EML5: variants seen among roughly 807,000 people sequenced by gnomAD.
EML5 encodes the protein EMAP like 5.
EML5 carries 120 observed loss-of-function variants against 250.0 expected under a neutral mutation model. That is an observed-to-expected ratio of 0.48 (90% CI 0.41 to 0.56). The LOEUF is 0.56. EML5 is among the 20% of genes least tolerant of loss of function. The pLI is 0.00. For missense variants in EML5, 2,006 were observed against 2,437.6 expected (o/e 0.82, Z 3.73); for synonymous variants, 771 against 806.5 (o/e 0.96, Z 0.75).
chr14:88,684,923 T>G, intron 20 of EML5, 92 bp downstream of exon 20: 1 of 1,162,984 alleles, frequency 8.6e-7, no homozygotes, highest in Non-Finnish European at 1.2e-6. Context: ...TAATTTAACA[T>G]TATTTTTCAT....
intron 20 of EML5, among the ~76,000 whole-genome samples, chr14:88,684,019 ATG>A (rs2092772253): frequency 6.6e-6 from 1 of 152,022 alleles, no homozygotes; most frequent in South Asian, 2.1e-4. Context: ...AAGTAAAACT[ATG>A]TGTATTTACA....
chr14:88,705,071 AAAC>A (rs2093291430), intron 12 of EML5, 93 bp from the exon 13 acceptor site: 1 of 813,034 alleles, frequency 1.2e-6, no homozygotes. Flanking sequence ...CATTGTCTGA[AAAC>A]AACAGCTTTA....
At chr14:88,788,053 A>G (rs1376891880) in intron 1 of EML5, among the ~76,000 whole-genome samples, 1 of 152,212 alleles carries the variant, frequency 6.6e-6, no homozygotes, top group African/African-American at 2.4e-5. Context: ...AGCTCTTCAA[A>G]CTATTTTGAA....
At chr14:88,670,833 T>A (rs1461550218) in intron 21 of EML5, among the ~76,000 whole-genome samples, 1 of 151,344 alleles carries the variant, frequency 6.6e-6, no homozygotes, top group South Asian at 2.1e-4. Context: ...TTGAAGACTA[T>A]CTTGCTGAAA....
intron 21 of EML5, among the ~76,000 whole-genome samples, chr14:88,676,982 G>A (rs2092609060): frequency 6.6e-6 from 1 of 152,144 alleles, no homozygotes; most frequent in Non-Finnish European, 1.5e-5. Flanking sequence ...TTGGCTCACT[G>A]CAACCTTCAC....
intron 2 of EML5, among the ~76,000 whole-genome samples, chr14:88,748,704 T>G (rs1159398867): frequency 6.6e-6 from 1 of 152,008 alleles, no homozygotes; most frequent in Admixed American, 6.6e-5. Flanking sequence ...AATTAACATT[T>G]TCAAGACAAG....
intron 33 of EML5, among the ~76,000 whole-genome samples, chr14:88,632,277 T>A (rs575438207): frequency 1.3e-5 from 2 of 152,254 alleles, no homozygotes; most frequent in South Asian, 4.1e-4. Flanking sequence ...CCACCCTGCT[T>A]AACTGTTTTT....
rs368150464 is a variant in EML5 at position 88,658,183 on chromosome 14, G to A, written c.3877+4C>T. Reference sequence around the variant, plus strand: ...TTTTGTTCAAGTATTATAAAATGACGTACCCCCATCTTCTTCAGAATCAAT... The same window carrying A: ...TTTTGTTCAAGTATTATAAAATGACATACCCCCATCTTCTTCAGAATCAAT... On this transcript the variant is annotated splice_donor_region_variant and intron_variant, in intron 26 of 43. Coordinates refer to ENST00000554922, the MANE Select transcript of EML5 (RefSeq NM_183387.3). 2.8e-5 allele frequency: 45 copies of A among 1,612,946 alleles called. No homozygotes were observed. In the African/African-American group the frequency reaches 3.7e-4, roughly 13 times the overall value.
intron 7 of EML5, among the ~76,000 whole-genome samples, chr14:88,732,457 T>A: frequency 6.6e-6 from 1 of 152,232 alleles, no homozygotes; most frequent in Non-Finnish European, 1.5e-5. Flanking sequence ...CATGCTGTTT[T>A]GGTTACTATA....
In EML5 at chr14:88,626,906, T is replaced by C. The variant is rs776065027; in HGVS notation, c.4672A>G (p.Lys1558Glu). 2 of 1,614,022 alleles carry C rather than the reference T, an allele frequency of 1.2e-6. No homozygotes were observed. Among genetic ancestry groups the C allele is most frequent in the Admixed American group, 3.3e-5 (2 of 60,032 alleles). Residue 1558 changes from lysine to glutamate, a missense_variant, in exon 35 of 44, where the codon AAA becomes GAA. Physicochemically the swap from Lys to Glu is moderately conservative, Grantham distance 56. Around this residue, in one of 7 missense-constraint regions of EML5, gnomAD observed 405 missense variants for 523.3 expected, o/e 0.77. Transcript: ENST00000554922. ...TCCAGTGTGCTCAGTAGCCCTTTTTTGCTAAGAAGAGCTCTTCCTGCCAGG... is the reference window on the plus strand; with the variant it reads ...TCCAGTGTGCTCAGTAGCCCTTTTTCGCTAAGAAGAGCTCTTCCTGCCAGG... ...WTLAGRALLSKKGLLSTLEDA... is the reference protein window; with the variant it reads ...WTLAGRALLSEKGLLSTLEDA...
intron 33 of EML5, 103 bp from the exon 34 acceptor site, chr14:88,627,922 C>A: frequency 9.4e-7 from 1 of 1,068,558 alleles, no homozygotes; most frequent in Non-Finnish European, 1.4e-6. Context: ...AAATGTGTAC[C>A]AAACAAAAAC....
chr14:88,625,245 G>T, intron 35 of EML5, 118 bp from the exon 36 acceptor site: 1 of 1,191,398 alleles, frequency 8.4e-7, no homozygotes, highest in Non-Finnish European at 1.2e-6. Context: ...AGCATGCATC[G>T]TGTAGTGGCA....
intron 1 of EML5, among the ~76,000 whole-genome samples, chr14:88,756,218 A>T (rs1479717111): frequency 6.6e-6 from 1 of 152,164 alleles, no homozygotes; most frequent in Non-Finnish European, 1.5e-5. Flanking sequence ...GAAATCAACA[A>T]ATATGGCATA....
intron 1 of EML5, among the ~76,000 whole-genome samples, chr14:88,791,024 C>T (rs1014418230): frequency 1.3e-5 from 2 of 151,764 alleles, no homozygotes; most frequent in Admixed American, 6.6e-5. Flanking sequence ...CAAAAACAAA[C>T]AAAAAAAACC....
intron 2 of EML5, among the ~76,000 whole-genome samples, chr14:88,753,857 T>C (rs1406338052): frequency 6.6e-6 from 1 of 152,146 alleles, no homozygotes; most frequent in Non-Finnish European, 1.5e-5. Flanking sequence ...AAATACAGGC[T>C]GGGTGCAGTG....
At chr14:88,702,965 G>C (rs973258564) in intron 13 of EML5, among the ~76,000 whole-genome samples, 5 of 151,972 alleles carry the variant, frequency 3.3e-5, no homozygotes, top group Admixed American at 1.3e-4. Flanking sequence ...ATGTTGCCCA[G>C]GCTGGTCTCA....
chr14:88,640,807 C>G (rs1341576694), intron 31 of EML5, among the ~76,000 whole-genome samples: 1 of 151,576 alleles, frequency 6.6e-6, no homozygotes, highest in Non-Finnish European at 1.5e-5. Flanking sequence ...ATCAATAGAC[C>G]ACTAGTAGTT....
chr14:88,631,250 G>T (rs1346065565), intron 33 of EML5, among the ~76,000 whole-genome samples: 1 of 152,194 alleles, frequency 6.6e-6, no homozygotes, highest in Non-Finnish European at 1.5e-5. Context: ...GTCTCACTCT[G>T]TCATCCAGGC....
chr14:88,645,555 C>T (rs577109219), intron 29 of EML5, among the ~76,000 whole-genome samples: 1 of 152,246 alleles, frequency 6.6e-6, no homozygotes, highest in African/African-American at 2.4e-5. Context: ...TTTCTATGAA[C>T]GTTCCACACT....
Sources: gnomAD v4.1 joint callset for allele counts (sites outside exome capture counted in the v4.1 genomes callset) on GRCh38, gnomAD v4.1.1 for gene constraint, gnomAD v4.1.1 regional missense constraint, MANE v1.5 for transcripts, NCBI Gene and HGNC (gene_info 2026-07-23, HGNC 2026-07-21) for gene names.